ITPKB: variants seen among roughly 807,000 people sequenced by gnomAD.
ITPKB encodes inositol-trisphosphate 3-kinase B, also known as IP3 3-kinase B.
In ITPKB, 13 loss-of-function variants were observed where a neutral mutation model predicts 69.4. That is an observed-to-expected ratio of 0.19 (90% CI 0.12 to 0.30). ITPKB has a LOEUF of 0.30. Among genes scored for constraint, ITPKB ranks in the 10% least tolerant of loss-of-function variants. The probability of loss-of-function intolerance (pLI) is 1.00; values close to 1 mark genes in which losing one functional copy is unlikely to be tolerated. For missense variants in ITPKB, 1,240 were observed against 1,250.5 expected (o/e 0.99, Z 0.13); for synonymous variants, 584 against 513.7 (o/e 1.14, Z -1.85).
intron 2 of ITPKB, among the ~76,000 whole-genome samples, chr1:226,696,439 A>T (rs895583026): frequency 1.3e-5 from 2 of 152,140 alleles, no homozygotes; most frequent in Non-Finnish European, 2.9e-5. Context: ...GTAGATAGCA[A>T]CTTATTTTAC....
rs191046501 is a variant in ITPKB, at chr1:226,668,931, A to G, written c.1933-20160T>C. 5.3e-5 allele frequency: 8 copies of G among 152,284 alleles called. No individual in the cohort carries two copies. In the East Asian group the frequency reaches 1.5e-3, roughly 29 times the overall value. 9.4% of individuals were successfully genotyped at this position (152,284 alleles called of 1,614,324 possible). On this transcript the variant is annotated intron_variant, in intron 2 of 7. Coordinates refer to ENST00000429204, the MANE Select transcript of ITPKB (RefSeq NM_002221.4). ...TGTAACCTTTCCCCTTTTTCAAAAT[A>G]AGCATTAGCGTCATTAAATTCATTA...
At chr1:226,666,321 C>T (rs1280834866) in intron 2 of ITPKB, among the ~76,000 whole-genome samples, 2 of 152,182 alleles carry the variant, frequency 1.3e-5, no homozygotes, top group African/African-American at 4.8e-5. Flanking sequence ...GCCAGAGGCG[C>T]TCAGAGGGAG....
chr1:226,639,072 T>C lies in ITPKB; in HGVS notation c.2553+485A>G, dbSNP rs538599098. ...CCCTTGACTTTTTTTTTTTTTTTTT[T>C]CCCAGACAGAGTTTCATTCTTGTTG... On this transcript the variant is annotated intron_variant, in intron 6 of 7. Transcript: ENST00000429204. 8.1e-3 allele frequency among the ~76,000 whole-genome samples: 1,091 copies of C among 134,450 alleles called. 6 individuals are homozygous for C. Among genetic ancestry groups the C allele is most frequent in the Non-Finnish European group, 0.013 (775 of 57,852 alleles). The allele number at this position is 134,450 out of a possible 152,430, so 88.2% of individuals were successfully genotyped here. A position where few individuals can be genotyped will look rare whatever the true frequency, so the allele number is the denominator to read the frequency against.
intron 2 of ITPKB, among the ~76,000 whole-genome samples, chr1:226,663,188 G>A (rs538432998): frequency 1.3e-5 from 2 of 152,234 alleles, no homozygotes; most frequent in African/African-American, 2.4e-5. Flanking sequence ...GCCCTTCCCC[G>A]TGCATCTCTG....
rs774955160 is a variant in ITPKB, at chr1:226,639,664, A to G, written c.2452-6T>C. ...TTCACGGTGCCGTCTTCTTTCTGAG[A>G]AAGAGAACACCCCACCCAGGAGGGG... On this transcript the variant is annotated splice_region_variant and splice_polypyrimidine_tract_variant and intron_variant, in intron 5 of 7. Transcript: ENST00000429204. 2.5e-6 allele frequency: 4 copies of G among 1,600,590 alleles called. No homozygotes were observed. In the African/African-American group the frequency reaches 4.0e-5, roughly 16 times the overall value.
At position 226,637,450 on chromosome 1, in the gene ITPKB, A is replaced by G. The variant is rs1668861887; in HGVS notation, c.2625+229T>C. On this transcript the variant is annotated intron_variant, in intron 7 of 7. Transcript: ENST00000429204. This position sits in a 1 kb window ranked among gnomAD's most constrained non-coding sequence, Gnocchi z 4.3. ...GACTCTGGAGCTGGAAGGACAAGGG[A>G]GGAGAAAGGGGGCAATAGCCAGGGG... Among the ~76,000 whole-genome samples, 1 of 152,164 alleles carries G rather than the reference A, an allele frequency of 6.6e-6. No individual in the cohort carries two copies. The highest frequency in any genetic ancestry group is 2.4e-5 in the African/African-American group (1 of 41,430).
chr1:226,733,297 A>T (rs1487834604), intron 2 of ITPKB, among the ~76,000 whole-genome samples: 1 of 152,158 alleles, frequency 6.6e-6, no homozygotes, highest in African/African-American at 2.4e-5. Context: ...AGAACCTCAG[A>T]CAGAGCTGGT....
At chr1:226,718,294 A>C (rs1399695880) in intron 2 of ITPKB, among the ~76,000 whole-genome samples, 9 of 150,798 alleles carry the variant, frequency 6.0e-5, no homozygotes, top group African/African-American at 2.2e-4. Context: ...ACTTCTCAAA[A>C]AAAAAAAAAA....
At chr1:226,678,435 G>T (rs12410955) in intron 2 of ITPKB, among the ~76,000 whole-genome samples, 28,418 of 152,158 alleles carry the variant, frequency 0.19, 2,674 homozygotes, top group Middle Eastern at 0.32. Context: ...GCCACTGAGG[G>T]CAGAGGCCGA....
chr1:226,700,592 T>C (rs766346888), intron 2 of ITPKB, among the ~76,000 whole-genome samples: 2 of 151,798 alleles, frequency 1.3e-5, no homozygotes, highest in African/African-American at 2.4e-5. Flanking sequence ...GTGAGGCGCT[T>C]TACACACATT....
chr1:226,695,064 C>T (rs1343915416), intron 2 of ITPKB, among the ~76,000 whole-genome samples: 1 of 152,040 alleles, frequency 6.6e-6, no homozygotes, highest in Non-Finnish European at 1.5e-5. Context: ...ACCCCATCTC[C>T]ACCAAAAATA....
At chr1:226,686,508 G>A (rs976816730) in intron 2 of ITPKB, among the ~76,000 whole-genome samples, 38 of 152,164 alleles carry the variant, frequency 2.5e-4, no homozygotes, top group African/African-American at 9.2e-4. Context: ...ACTCCCTTTA[G>A]CTCAGTGGGA....
chr1:226,681,978 T>C (rs1656102202), intron 2 of ITPKB, among the ~76,000 whole-genome samples: 1 of 152,154 alleles, frequency 6.6e-6, no homozygotes, highest in African/African-American at 2.4e-5. Context: ...ATGTCAGCAG[T>C]CCACCTAAAG....
rs1454995247 is a variant in ITPKB, at chr1:226,738,754, C to T, written c.-206+287G>A. Among the ~76,000 whole-genome samples the T allele has an allele frequency of 6.6e-6, 1 of 152,210 alleles. No homozygotes were observed. Among genetic ancestry groups the T allele is most frequent in the African/African-American group, 2.4e-5 (1 of 41,466 alleles). On this transcript the variant is annotated intron_variant, in intron 1 of 7. Coordinates refer to ENST00000429204, the MANE Select transcript of ITPKB (RefSeq NM_002221.4). This position sits in a 1 kb window ranked among gnomAD's most constrained non-coding sequence, Gnocchi z 4.2. The stretch of plus-strand genomic sequence containing the variant: ...CAGCCTCGCCCGGCGCCAGCAGAGC[C>T]GCCCCGAGACCCCAGCCTGGGGACT...
chr1:226,680,871 G>A (rs1436586770), intron 2 of ITPKB, among the ~76,000 whole-genome samples: 1 of 152,160 alleles, frequency 6.6e-6, no homozygotes, highest in Non-Finnish European at 1.5e-5. Flanking sequence ...CCCATCCTGG[G>A]TGAATGCAAG....
chr1:226,703,254 C>G (rs1233115671), intron 2 of ITPKB, among the ~76,000 whole-genome samples: 1 of 152,180 alleles, frequency 6.6e-6, no homozygotes, highest in East Asian at 1.9e-4. Context: ...GTGCTAGCAC[C>G]CGGGGTGTGA....
chr1:226,711,226 T>C (rs1229080590), intron 2 of ITPKB, among the ~76,000 whole-genome samples: 1 of 152,106 alleles, frequency 6.6e-6, no homozygotes, highest in East Asian at 1.9e-4. Context: ...GCCAACACCA[T>C]GTCCAAGCTG....
intron 4 of ITPKB, 25 bp downstream of exon 4, chr1:226,647,142 G>T (rs777455039): frequency 1.2e-6 from 2 of 1,606,072 alleles, no homozygotes; most frequent in South Asian, 2.2e-5. Flanking sequence ...AGGCAGGCAT[G>T]TGGGCTGCGA....
chr1:226,735,422 G>C, intron 2 of ITPKB, 105 bp downstream of exon 2: 1 of 1,290,752 alleles, frequency 7.7e-7, no homozygotes, highest in Non-Finnish European at 1.0e-6. Flanking sequence ...GCCCTGGTCT[G>C]AGTTTTCATG....
Sources: gnomAD v4.1 joint callset for allele counts (sites outside exome capture counted in the v4.1 genomes callset) on GRCh38, gnomAD v4.1.1 for gene constraint, Gnocchi (gnomAD v3.1) non-coding constraint, MANE v1.5 for transcripts, NCBI Gene and HGNC (gene_info 2026-07-23, HGNC 2026-07-21) for gene names.